The following PRTG variants were observed in gnomAD, a reference collection of about 807,000 sequenced individuals.
The protein encoded by PRTG is protogenin, also known as immunoglobulin superfamily, DCC subclass, member 5.
In PRTG, 67 loss-of-function variants were observed where a neutral mutation model predicts 122.5. The observed-to-expected ratio is 0.55, with a 90% CI of 0.45 to 0.67. The LOEUF (loss-of-function observed/expected upper bound fraction) is 0.67, where lower values mean the gene tolerates loss of function less well. Among genes scored for constraint, PRTG ranks in the 30% least tolerant of loss-of-function variants. The pLI is 0.00. For missense variants in PRTG, 1,435 were observed against 1,415.4 expected (o/e 1.01, Z -0.22); for synonymous variants, 554 against 501.1 (o/e 1.11, Z -1.41).
intron 11 of PRTG, among the ~76,000 whole-genome samples, chr15:55,642,227 A>G (rs1377120674): frequency 6.6e-6 from 1 of 151,888 alleles, no homozygotes; most frequent in African/African-American, 2.4e-5. Context: ...CAACTCACAT[A>G]ATTTAAGAAA....
At chr15:55,679,850 T>C (rs1462903903) in intron 6 of PRTG, 2 of 533,510 alleles carry the variant, frequency 3.7e-6, no homozygotes, top group Non-Finnish European at 6.6e-6. Context: ...CATAATGGTA[T>C]GCATGTAAAC....
chr15:55,731,156 C>A (rs577271007), intron 2 of PRTG, among the ~76,000 whole-genome samples: 1 of 152,062 alleles, frequency 6.6e-6, no homozygotes, highest in South Asian at 2.1e-4. Context: ...CAATTTCATC[C>A]CCTTCTGAAA....
intron 2 of PRTG, among the ~76,000 whole-genome samples, chr15:55,689,074 C>T (rs1293062773): frequency 6.6e-6 from 1 of 152,158 alleles, no homozygotes; most frequent in Admixed American, 6.5e-5. Flanking sequence ...CTCACCTGAA[C>T]CACTATCAGC....
At chr15:55,690,321 T>C (rs151130976) in intron 2 of PRTG, among the ~76,000 whole-genome samples, 49 of 152,352 alleles carry the variant, frequency 3.2e-4, no homozygotes, top group African/African-American at 1.1e-3. Context: ...GTCTAGTATA[T>C]GCTAGGCGCC....
intron 2 of PRTG, among the ~76,000 whole-genome samples, chr15:55,684,891 C>T (rs1263677134): frequency 6.6e-6 from 1 of 152,144 alleles, no homozygotes; most frequent in Non-Finnish European, 1.5e-5. Flanking sequence ...TTTTTAGGCT[C>T]ATCTATTTCC....
At chr15:55,730,251 G>A in intron 2 of PRTG, among the ~76,000 whole-genome samples, 1 of 151,848 alleles carries the variant, frequency 6.6e-6, no homozygotes, top group Non-Finnish European at 1.5e-5. Flanking sequence ...ACAGGTACTT[G>A]CCACCACGCC....
At chr15:55,627,515 T>C (rs12917317) in intron 16 of PRTG, among the ~76,000 whole-genome samples, 1 of 102,500 alleles carries the variant, frequency 9.8e-6, no homozygotes, top group African/African-American at 3.9e-5. Context: ...TTTTTTTTTG[T>C]ATTTTTAGTA....
chr15:55,706,032 T>G (rs1313620933), intron 2 of PRTG, among the ~76,000 whole-genome samples: 2 of 140,454 alleles, frequency 1.4e-5, no homozygotes, highest in Admixed American at 7.3e-5. Context: ...TTTTTTTTTT[T>G]TGTATTTTTA....
chr15:55,665,718 G>A (rs899375412), intron 11 of PRTG, among the ~76,000 whole-genome samples: 1 of 151,710 alleles, frequency 6.6e-6, no homozygotes, highest in Non-Finnish European at 1.5e-5. Flanking sequence ...GCTAATTTTT[G>A]TATTTTTAGT....
At position 55,680,065 on chromosome 15, in the gene PRTG, A is replaced by G. The variant is rs1801729438; in HGVS notation, c.962T>C (p.Leu321Ser). The change falls in exon 6 of 20, where the codon TTA becomes TCA. Residue 321 changes from leucine to serine, a missense_variant. Leu to Ser is a moderately radical substitution (Grantham distance 145). Transcript: ENST00000389286. Reference protein sequence around the residue: ...TRNFTVAMATLTVLAPPSFVE... With the variant: ...TRNFTVAMATSTVLAPPSFVE... ...TGAAAGGAACATACCTAATACAGTT[A>G]AAGTTGCCATAGCAACTGTAAAGTT... 1 of 1,613,396 alleles carries G rather than the reference A, an allele frequency of 6.2e-7. No individual in the cohort carries two copies.
chr15:55,727,994 A>T (rs2031096302), intron 2 of PRTG, among the ~76,000 whole-genome samples: 1 of 152,078 alleles, frequency 6.6e-6, no homozygotes, highest in Non-Finnish European at 1.5e-5. Flanking sequence ...CCTCCTGAGT[A>T]GCTGGGACTA....
At chr15:55,724,898 A>C (rs1173244996) in intron 2 of PRTG, among the ~76,000 whole-genome samples, 3 of 152,228 alleles carry the variant, frequency 2.0e-5, no homozygotes, top group Non-Finnish European at 2.9e-5. Context: ...CCATTGACCT[A>C]CTCTAAAACA....
At position 55,641,106 on chromosome 15, in the gene PRTG, C is replaced by T; in HGVS notation, c.2137+7G>A. ...TAGTAAAACAAACTGCCATGGCTTT[C>T]ACTTACACACGCATCCTGGAGTGCT... On this transcript the variant is annotated splice_region_variant and intron_variant, in intron 12 of 19. Coordinates refer to ENST00000389286, the MANE Select transcript of PRTG (RefSeq NM_173814.6). The T allele has an allele frequency of 1.2e-6, 2 of 1,602,828 alleles. No homozygotes were observed. The highest frequency in any genetic ancestry group is 1.7e-6 in the Non-Finnish European group (2 of 1,169,832).
rs372820563 is a variant in PRTG, at chr15:55,731,409, C to T, written c.397+8973G>A. Among the ~76,000 whole-genome samples the T allele has an allele frequency of 3.3e-5, 4 of 120,810 alleles. No homozygotes were observed. The East Asian group carries it at 7.1e-4, about 22-fold the overall frequency. The allele number at this position is 120,810 out of a possible 152,430, so 79.3% of individuals were successfully genotyped here. A position where few individuals can be genotyped will look rare whatever the true frequency, so the allele number is the denominator to read the frequency against. ...TTTTGGAGATGCAGTCTTGTTCTGT[C>T]GCCCAGGTTGGAGTACAACGGCATG... On this transcript the variant is annotated intron_variant, in intron 2 of 19. Coordinates refer to ENST00000389286, the MANE Select transcript of PRTG (RefSeq NM_173814.6).
At chr15:55,697,820 T>C (rs1459676789) in intron 2 of PRTG, among the ~76,000 whole-genome samples, 3 of 152,208 alleles carry the variant, frequency 2.0e-5, no homozygotes, top group East Asian at 1.9e-4. Context: ...GAACATGTTT[T>C]GTTCTGTAAA....
intron 2 of PRTG, among the ~76,000 whole-genome samples, chr15:55,711,608 T>C (rs2030390539): frequency 6.6e-6 from 1 of 152,086 alleles, no homozygotes; most frequent in Non-Finnish European, 1.5e-5. Flanking sequence ...GGGAAAGACA[T>C]GGTCCAATCT....
chr15:55,646,814 C>T (rs2059326972), intron 11 of PRTG, among the ~76,000 whole-genome samples: 1 of 152,184 alleles, frequency 6.6e-6, no homozygotes, highest in Non-Finnish European at 1.5e-5. Flanking sequence ...TACATTTTGT[C>T]CCTAGCCAAA....
intron 2 of PRTG, among the ~76,000 whole-genome samples, chr15:55,732,233 G>GT (rs1279833413): frequency 1.3e-5 from 2 of 152,164 alleles, no homozygotes; most frequent in Non-Finnish European, 2.9e-5. Context: ...CTGTCACCCA[G>GT]GCTAGAGTGC....
rs1054276863 is a variant in PRTG, at chr15:55,675,588, T to C, written c.1477A>G (p.Ile493Val). 10 of 1,611,122 alleles carry C rather than the reference T, an allele frequency of 6.2e-6. No individual in the cohort carries two copies. The highest frequency in any genetic ancestry group is 8.5e-6 in the Non-Finnish European group (10 of 1,177,646). Residue 493 changes from isoleucine (I) to valine (V), a missense_variant, in exon 9 of 20, where the codon ATT (isoleucine) becomes GTT (valine). By Grantham distance (29) the Ile-to-Val change is conservative. Transcript: ENST00000389286. Reference protein sequence around the residue: ...LEPASNYTFYIVAYMPMGASQ... With the variant: ...LEPASNYTFYVVAYMPMGASQ... ...GCTCCCATTGGCATATATGCTACAA[T>C]GTAGAAAGTATAATTGCTGGCAGGC...
Sources: gnomAD v4.1 joint callset for allele counts (sites outside exome capture counted in the v4.1 genomes callset) on GRCh38, gnomAD v4.1.1 for gene constraint, MANE v1.5 for transcripts, NCBI Gene and HGNC (gene_info 2026-07-23, HGNC 2026-07-21) for gene names.